NYAP2: variants seen among roughly 807,000 people sequenced by gnomAD.
NYAP2 encodes neuronal tyrosine-phosphorylated phosphoinositide-3-kinase adaptor 2.
Under a neutral mutation model 50.4 loss-of-function variants are expected in NYAP2, and 23 were observed. The observed-to-expected ratio is 0.46, with a 90% CI of 0.33 to 0.65. The LOEUF is 0.65. Ranked by LOEUF, NYAP2 falls within the 30% of genes least tolerant of loss-of-function variation. The pLI is 0.02. For synonymous variants in NYAP2, 394 were observed against 365.2 expected (o/e 1.08, Z -0.90); for missense variants, 885 against 861.0 (o/e 1.03, Z -0.35).
intron 3 of NYAP2, among the ~76,000 whole-genome samples, chr2:225,431,382 T>C (rs1216592648): frequency 6.6e-6 from 1 of 152,176 alleles, no homozygotes; most frequent in Non-Finnish European, 1.5e-5. Flanking sequence ...TTTCTAGTTG[T>C]TTTTTGGGAC....
intron 5 of NYAP2, among the ~76,000 whole-genome samples, chr2:225,591,424 C>T (rs980942929): frequency 2.0e-5 from 3 of 152,074 alleles, no homozygotes; most frequent in Non-Finnish European, 4.4e-5. Flanking sequence ...ATAGCAAGAC[C>T]AACTAAGCCT....
At chr2:225,515,783 T>C (rs1690920360) in intron 4 of NYAP2, among the ~76,000 whole-genome samples, 1 of 152,200 alleles carries the variant, frequency 6.6e-6, no homozygotes, top group Non-Finnish European at 1.5e-5. Context: ...GCCAGAAAAC[T>C]ACCTAATAAA....
chr2:225,466,633 G>T (rs942403069), intron 3 of NYAP2, among the ~76,000 whole-genome samples: 1 of 152,118 alleles, frequency 6.6e-6, no homozygotes, highest in African/African-American at 2.4e-5. Flanking sequence ...CATGCAAAAG[G>T]AGAGAACCAC....
chr2:225,497,076 A>C (rs1284515280), intron 3 of NYAP2, among the ~76,000 whole-genome samples: 1 of 152,214 alleles, frequency 6.6e-6, no homozygotes, highest in Non-Finnish European at 1.5e-5. Context: ...GGGCTACAGC[A>C]TAAAGCGGAT....
intron 5 of NYAP2, among the ~76,000 whole-genome samples, chr2:225,600,224 G>C (rs959373555): frequency 6.6e-6 from 1 of 152,094 alleles, no homozygotes; most frequent in African/African-American, 2.4e-5. Context: ...TGCTGAGTAA[G>C]TTCCTGAGTG....
rs764544840 is a variant in NYAP2 at position 225,582,994 on chromosome 2, G to A, written c.1577G>A (p.Arg526His). The A allele has an allele frequency of 4.3e-6, 7 of 1,612,002 alleles. No individual in the cohort carries two copies. Among genetic ancestry groups the A allele is most frequent in the Non-Finnish European group, 5.9e-6 (7 of 1,179,532 alleles). The change falls in exon 5 of 7, where the codon CGC (arginine) becomes CAC (histidine). Residue 526 changes from arginine (R) to histidine (H), a missense_variant. By Grantham distance (29) the Arg-to-His change is conservative. Coordinates refer to ENST00000636099, the Ensembl canonical transcript of NYAP2. The surrounding 1 kb of genome is among the most constrained non-coding windows in gnomAD (Gnocchi z 7.0). ...TTCTCCTCCGGCCGCAGCCTGCTGCGCAAGTCGTCCAGTGGCCGGCGCTCC... is the reference window on the plus strand; with the variant it reads ...TTCTCCTCCGGCCGCAGCCTGCTGCACAAGTCGTCCAGTGGCCGGCGCTCC...
intron 3 of NYAP2, 21 bp from the exon 4 acceptor site, chr2:225,513,343 ATGGTTTT>A: frequency 6.2e-7 from 1 of 1,611,066 alleles, no homozygotes; most frequent in African/African-American, 1.3e-5. Flanking sequence ...TTTTGTCTTC[ATGGTTTT>A]TGGTCTGCTT....
intron 3 of NYAP2, among the ~76,000 whole-genome samples, chr2:225,469,744 A>G (rs1340290407): frequency 1.3e-5 from 2 of 152,180 alleles, no homozygotes; most frequent in East Asian, 3.9e-4. Context: ...GCAAACTAAC[A>G]CAAGAACAAT....
intron 3 of NYAP2, among the ~76,000 whole-genome samples, chr2:225,488,241 C>T (rs1467340575): frequency 1.3e-5 from 2 of 151,884 alleles, no homozygotes; most frequent in Non-Finnish European, 2.9e-5. Context: ...GTCATAAGTG[C>T]CAGGAAAAGA....
the NYAP2 span, among the ~76,000 whole-genome samples, chr2:225,665,891 T>C: frequency 7.1e-5 from 9 of 127,124 alleles, no homozygotes; most frequent in Admixed American, 1.9e-4. Context: ...TGGCCTAGAG[T>C]AGAGCACATC....
At chr2:225,625,043 TA>T (rs386392796) in intron 5 of NYAP2, among the ~76,000 whole-genome samples, 836 of 69,562 alleles carry the variant, frequency 0.012, 2 homozygotes, top group African/African-American at 0.026. Context: ...AACCCAAGCG[TA>T]AAAAAAAAAA....
chr2:225,546,824 A>C, intron 4 of NYAP2, among the ~76,000 whole-genome samples: 1 of 152,142 alleles, frequency 6.6e-6, no homozygotes, highest in East Asian at 1.9e-4. Flanking sequence ...CATATCTCAA[A>C]GTATCACCCC....
intron 3 of NYAP2, among the ~76,000 whole-genome samples, chr2:225,469,218 C>A (rs961396622): frequency 1.6e-4 from 25 of 152,158 alleles, no homozygotes; most frequent in Non-Finnish European, 3.5e-4. Context: ...TGGATAGACA[C>A]TTCTCAAAAT....
intron 4 of NYAP2, among the ~76,000 whole-genome samples, chr2:225,523,706 A>G (rs1691105615): frequency 6.6e-6 from 1 of 152,126 alleles, no homozygotes; most frequent in Admixed American, 6.6e-5. Context: ...AATGAGTAAA[A>G]CCAATCCTAA....
chr2:225,543,400 A>G (rs1478983156), intron 4 of NYAP2, among the ~76,000 whole-genome samples: 1 of 151,750 alleles, frequency 6.6e-6, no homozygotes, highest in African/African-American at 2.4e-5. Context: ...ATAGCTAAAA[A>G]CTTCTGTTTT....
chr2:225,640,584 T>G (rs1187693854), intron 6 of NYAP2, among the ~76,000 whole-genome samples: 1 of 152,210 alleles, frequency 6.6e-6, no homozygotes, highest in African/African-American at 2.4e-5. Flanking sequence ...AAACCCTTTG[T>G]GTTCTTATTC....
intron 5 of NYAP2, among the ~76,000 whole-genome samples, chr2:225,611,052 T>A (rs1692874736): frequency 6.6e-6 from 1 of 152,128 alleles, no homozygotes; most frequent in African/African-American, 2.4e-5. Flanking sequence ...AGCAAGCTGG[T>A]TGAGTTTGGG....
intron 4 of NYAP2, among the ~76,000 whole-genome samples, chr2:225,531,694 G>A (rs927432659): frequency 6.6e-6 from 1 of 152,192 alleles, no homozygotes; most frequent in African/African-American, 2.4e-5. Context: ...ATATTGGAGA[G>A]CTTAGAGAAA....
the NYAP2 span, among the ~76,000 whole-genome samples, chr2:225,662,004 G>A: frequency 3.3e-5 from 5 of 152,150 alleles, no homozygotes; most frequent in Admixed American, 6.5e-5. Context: ...AATTACAGGC[G>A]TGAGCCACTG....
Sources: allele counts gnomAD v4.1 joint callset (sites outside exome capture counted in the v4.1 genomes callset), GRCh38; gene constraint gnomAD v4.1.1; non-coding constraint Gnocchi (gnomAD v3.1); transcripts MANE v1.5; gene names NCBI Gene and HGNC (gene_info 2026-07-23, HGNC 2026-07-21).